NPSR1: variants seen among roughly 807,000 people sequenced by gnomAD.
NPSR1 encodes the protein neuropeptide S receptor.
In NPSR1, 48 loss-of-function variants were observed where a neutral mutation model predicts 46.9. The observed-to-expected ratio is 1.02, with a 90% CI of 0.81 to 1.30. The LOEUF (loss-of-function observed/expected upper bound fraction) is 1.30. Ranked by LOEUF, NPSR1 falls within the 50% of genes most tolerant of loss-of-function variation. NPSR1 has a pLI of 0.00. For missense variants in NPSR1, 450 were observed against 449.5 expected (o/e 1.00, Z -0.01); for synonymous variants, 176 against 168.1 (o/e 1.05, Z -0.36).
At chr7:34,845,339 T>C (rs942162178) in intron 7 of NPSR1, among the ~76,000 whole-genome samples, 5 of 152,232 alleles carry the variant, frequency 3.3e-5, no homozygotes, top group African/African-American at 1.2e-4. Flanking sequence ...AAAAAGAAGA[T>C]AGAAGTGACT....
chr7:34,834,588 A>C (rs1457346649), intron 6 of NPSR1, 128 bp downstream of exon 6: 2 of 707,540 alleles, frequency 2.8e-6, no homozygotes, highest in African/African-American at 3.5e-5. Context: ...CCCAGCCGGC[A>C]GACCAGACCC....
intron 2 of NPSR1, among the ~76,000 whole-genome samples, chr7:34,739,912 G>C (rs888747257): frequency 6.6e-6 from 1 of 152,200 alleles, no homozygotes; most frequent in Non-Finnish European, 1.5e-5. Flanking sequence ...TTTTAAGAGA[G>C]CATCAGCTGT....
intron 4 of NPSR1, among the ~76,000 whole-genome samples, chr7:34,820,905 A>G (rs570933481): frequency 7.9e-4 from 121 of 152,202 alleles, no homozygotes; most frequent in African/African-American, 2.9e-3. Context: ...CTCTTCAGGG[A>G]GACTATGTTG....
intron 2 of NPSR1, among the ~76,000 whole-genome samples, chr7:34,720,835 G>A (rs889128923): frequency 6.6e-6 from 1 of 151,990 alleles, no homozygotes; most frequent in East Asian, 1.9e-4. Flanking sequence ...TCACATATCT[G>A]CTTCTAATCA....
rs1241287524 is a variant in NPSR1, at chr7:34,809,540, T to C, written c.385-2230T>C. 2.0e-5 allele frequency among the ~76,000 whole-genome samples: 3 copies of C among 148,440 alleles called. No homozygotes were observed. In the East Asian group the frequency reaches 6.1e-4, roughly 30 times the overall value. The stretch of plus-strand genomic sequence containing the variant: ...GTGCAGTGGCGCAATCTCGGCTCAC[T>C]GCAAGCTCTGCCTCCCGGGTTCACG... On this transcript the variant is annotated intron_variant, in intron 3 of 8. Coordinates refer to ENST00000360581, the MANE Select transcript of NPSR1 (RefSeq NM_207172.2).
intron 2 of NPSR1, among the ~76,000 whole-genome samples, chr7:34,755,165 G>A (rs562301334): frequency 1.5e-4 from 23 of 152,232 alleles, no homozygotes; most frequent in African/African-American, 4.3e-4. Context: ...TGGGTCATAT[G>A]GTAACACTGT....
At chr7:34,688,567 C>A (rs1562652908) in intron 2 of NPSR1, among the ~76,000 whole-genome samples, 2 of 152,150 alleles carry the variant, frequency 1.3e-5, no homozygotes, top group Non-Finnish European at 2.9e-5. Context: ...CCACTCCACA[C>A]CTGGATGTAA....
intron 2 of NPSR1, among the ~76,000 whole-genome samples, chr7:34,697,212 T>C (rs1793575543): frequency 6.6e-6 from 1 of 151,948 alleles, no homozygotes; most frequent in Admixed American, 6.6e-5. Flanking sequence ...AACAAAATTA[T>C]GCATGATTAT....
At chr7:34,750,738 G>C in intron 2 of NPSR1, 1 of 694,318 alleles carries the variant, frequency 1.4e-6, no homozygotes, top group East Asian at 3.0e-5. Flanking sequence ...ATCTTGCAAG[G>C]GCCTTGCTCT....
chr7:34,791,347 AAACT>A (rs201889772), intron 3 of NPSR1, among the ~76,000 whole-genome samples: 1,888 of 147,202 alleles, frequency 0.013, 36 homozygotes, highest in African/African-American at 0.045. Context: ...AAAACTGTTA[AAACT>A]AACAAATGAA....
At chr7:34,791,162 A>ATTATATATGT (rs1787841279) in intron 3 of NPSR1, among the ~76,000 whole-genome samples, 1 of 122,102 alleles carries the variant, frequency 8.2e-6, no homozygotes, top group Non-Finnish European at 1.6e-5. Context: ...TATATATTAT[A>ATTATATATGT]TATGTTATAT....
chr7:34,829,089 A>G (rs1562760443), intron 5 of NPSR1, among the ~76,000 whole-genome samples: 1 of 152,188 alleles, frequency 6.6e-6, no homozygotes, highest in Non-Finnish European at 1.5e-5. Flanking sequence ...CCTGCTCATT[A>G]TTCATCTTTA....
At chr7:34,738,266 A>T (rs1344643003) in intron 2 of NPSR1, among the ~76,000 whole-genome samples, 1 of 152,220 alleles carries the variant, frequency 6.6e-6, no homozygotes, top group African/African-American at 2.4e-5. Flanking sequence ...AAAGACCAAA[A>T]TGAGATGTTT....
intron 4 of NPSR1, among the ~76,000 whole-genome samples, chr7:34,818,644 C>T (rs1789379894): frequency 6.6e-6 from 1 of 152,166 alleles, no homozygotes; most frequent in Non-Finnish European, 1.5e-5. Flanking sequence ...AAGCTGGAGA[C>T]ATCAAGCTAC....
chr7:34,759,009 T>C (rs1178853157), intron 2 of NPSR1, among the ~76,000 whole-genome samples: 1 of 152,222 alleles, frequency 6.6e-6, no homozygotes, highest in African/African-American at 2.4e-5. Flanking sequence ...TCCTTCTGAA[T>C]AGATTAAGGT....
chr7:34,771,090 G>A (rs1268396566), intron 2 of NPSR1, among the ~76,000 whole-genome samples: 2 of 152,174 alleles, frequency 1.3e-5, no homozygotes, highest in Non-Finnish European at 2.9e-5. Flanking sequence ...CCAAATAGTG[G>A]AAGGCTTTTA....
chr7:34,798,753 A>T (rs577724442), intron 3 of NPSR1, among the ~76,000 whole-genome samples: 3 of 152,224 alleles, frequency 2.0e-5, no homozygotes, highest in Non-Finnish European at 2.9e-5. Flanking sequence ...AATGTAAAAA[A>T]ATAGAAATTA....
chr7:34,798,050 A>T (rs1033690857), intron 3 of NPSR1, among the ~76,000 whole-genome samples: 1 of 152,218 alleles, frequency 6.6e-6, no homozygotes. Flanking sequence ...ATAAAGGGGA[A>T]AATGATAAAA....
intron 2 of NPSR1, among the ~76,000 whole-genome samples, chr7:34,725,658 G>T (rs959943115): frequency 3.3e-5 from 5 of 152,142 alleles, no homozygotes; most frequent in African/African-American, 1.2e-4. Flanking sequence ...CATACCAGCT[G>T]TTTTCACCAG....
Sources: gnomAD v4.1 joint callset for allele counts (sites outside exome capture counted in the v4.1 genomes callset) on GRCh38, gnomAD v4.1.1 for gene constraint, MANE v1.5 for transcripts, NCBI Gene and HGNC (gene_info 2026-07-23, HGNC 2026-07-21) for gene names.